The following LRP1B variants were observed in gnomAD, a reference collection of about 807,000 sequenced individuals.
LRP1B encodes the protein low-density lipoprotein receptor-related protein 1B.
In LRP1B, 217 loss-of-function variants were observed where a neutral mutation model predicts 556.6. That is an observed-to-expected ratio of 0.39 (90% CI 0.35 to 0.44). The LOEUF is 0.44. LRP1B is among the 20% of genes least tolerant of loss of function. The pLI is 1.00. For missense variants in LRP1B, 5,053 were observed against 5,620.8 expected, an observed-to-expected ratio of 0.90 and a Z score of 3.23; for synonymous variants, 2,047 against 1,865.8, an observed-to-expected ratio of 1.10 and a Z score of -2.50.
chr2:140,903,923 A>T (rs186368255), intron 22 of LRP1B, among the ~76,000 whole-genome samples: 1 of 152,186 alleles, frequency 6.6e-6, no homozygotes, highest in East Asian at 1.9e-4. Context: ...GATTACATAT[A>T]TAATGTGATT....
At chr2:140,779,811 C>A (rs1420362309) in intron 32 of LRP1B, among the ~76,000 whole-genome samples, 1 of 141,274 alleles carries the variant, frequency 7.1e-6, no homozygotes, top group East Asian at 2.3e-4. Flanking sequence ...AGATATATAT[C>A]ATAAATTTAC....
intron 32 of LRP1B, among the ~76,000 whole-genome samples, chr2:140,776,505 T>TTTTTTTTTTTTTTTTTGAG (rs1402600516): frequency 6.7e-6 from 1 of 148,478 alleles, no homozygotes; most frequent in Non-Finnish European, 1.5e-5. Flanking sequence ...TCTTATATTT[T>TTTTTTTTTTTTTTTTTGAG]ACATAACATG....
At chr2:141,971,962 T>C (rs1162583472) in intron 1 of LRP1B, among the ~76,000 whole-genome samples, 3 of 151,558 alleles carry the variant, frequency 2.0e-5, no homozygotes, top group Non-Finnish European at 4.4e-5. Context: ...TTCACTAGTC[T>C]CTTTTCATTT....
intron 37 of LRP1B, among the ~76,000 whole-genome samples, chr2:140,704,121 G>A (rs1574261012): frequency 6.6e-6 from 1 of 152,052 alleles, no homozygotes; most frequent in Non-Finnish European, 1.5e-5. Flanking sequence ...CTCACCAACA[G>A]TGTTTAAGCA....
rs373947897 is a variant in LRP1B, at chr2:140,769,359, G to A, written c.5627-15C>T. 60 of 1,583,892 alleles carry A rather than the reference G, an allele frequency of 3.8e-5. No individual in the cohort carries two copies. The African/African-American group carries it at 5.0e-4, about 13-fold the overall frequency. ...TGATTCTATACCTAAATGCAGGGCCGGAGATAAGGGGGGGAAGGGAAGCCC... is the reference window on the plus strand; with the variant it reads ...TGATTCTATACCTAAATGCAGGGCCAGAGATAAGGGGGGGAAGGGAAGCCC... On this transcript the variant is annotated splice_polypyrimidine_tract_variant and intron_variant, in intron 34 of 90. Transcript: ENST00000389484.
intron 60 of LRP1B, among the ~76,000 whole-genome samples, chr2:140,461,440 T>A (rs1687315243): frequency 6.6e-6 from 1 of 152,184 alleles, no homozygotes; most frequent in Non-Finnish European, 1.5e-5. Flanking sequence ...AGTAATACTA[T>A]CTTATTTTCC....
intron 1 of LRP1B, among the ~76,000 whole-genome samples, chr2:142,115,583 ATATATATATTATATATGT>A: frequency 2.4e-5 from 1 of 42,520 alleles, no homozygotes; most frequent in African/African-American, 8.6e-5. Context: ...TATATATGTA[ATATATATATTATATATGT>A]AATATATATT....
intron 2 of LRP1B, among the ~76,000 whole-genome samples, chr2:141,712,836 ATTTTTT>A (rs1192189235): frequency 9.7e-6 from 1 of 103,342 alleles, no homozygotes; most frequent in East Asian, 2.9e-4. Context: ...TGCCCAGCTA[ATTTTTT>A]TTTTTTTTTT....
In LRP1B at chr2:140,610,048, GT is replaced by G. The variant is rs11422184; in HGVS notation, c.6800-8410del. Among the ~76,000 whole-genome samples the G allele has an allele frequency of 9.0e-3, 1,313 of 146,570 alleles. 18 individuals are homozygous for G. Among genetic ancestry groups the G allele is most frequent in the African/African-American group, 0.031 (1,244 of 40,026 alleles). ...CTTCCATCTATAAAAACTCAGGTTT[GT>G]TTTTTTTTTTCTTGACACATGTAAT... On this transcript the variant is annotated intron_variant, in intron 41 of 90. Coordinates refer to ENST00000389484, the MANE Select transcript of LRP1B (RefSeq NM_018557.3).
intron 1 of LRP1B, among the ~76,000 whole-genome samples, chr2:141,986,157 G>A (rs1005678290): frequency 1.3e-5 from 2 of 151,856 alleles, no homozygotes; most frequent in East Asian, 3.9e-4. Flanking sequence ...AAAAGTAGAT[G>A]TTATAAAAAA....
rs62168660 is a variant in LRP1B at position 141,732,569 on chromosome 2, A to G, written c.205+77710T>C. 4.2e-3 allele frequency among the ~76,000 whole-genome samples: 636 copies of G among 152,260 alleles called. 4 individuals are homozygous for G. Among genetic ancestry groups the G allele is most frequent in the Non-Finnish European group, 6.5e-3 (442 of 68,010 alleles). On this transcript the variant is annotated intron_variant, in intron 2 of 90. Coordinates refer to ENST00000389484, the MANE Select transcript of LRP1B (RefSeq NM_018557.3). ...CTGAGGTTTTATATTTAGTTCAAGT[A>G]GCTTACCCCTATAACTAATTTCTGC... is the stretch of plus-strand genomic sequence containing the variant.
At position 141,332,722 on chromosome 2, in the gene LRP1B, T is replaced by A. The variant is rs377665579; in HGVS notation, c.344-78081A>T. ...TTTTTGTTTTTGTTTTGCCTTATTT[T>A]TTTATATATATATATATAAAGGAAA... On this transcript the variant is annotated intron_variant, in intron 3 of 90. Transcript: ENST00000389484. 9.5e-3 allele frequency among the ~76,000 whole-genome samples: 986 copies of A among 104,178 alleles called. 4 individuals are homozygous for A. Among genetic ancestry groups the A allele is most frequent in the Non-Finnish European group, 0.015 (618 of 40,996 alleles). 68.3% of individuals were successfully genotyped at this position (104,178 alleles called of 152,430 possible).
intron 1 of LRP1B, among the ~76,000 whole-genome samples, chr2:141,906,902 C>A (rs1699774317): frequency 6.6e-6 from 1 of 151,972 alleles, no homozygotes; most frequent in Non-Finnish European, 1.5e-5. Context: ...CATTTTAGAG[C>A]CACCTAGAGG....
rs144283392 is a variant in LRP1B at position 140,514,550 on chromosome 2, T to G, written c.8269+103A>C. 4.6e-6 allele frequency: 5 copies of G among 1,097,452 alleles called. No individual in the cohort carries two copies. The South Asian group carries it at 1.2e-4, about 27-fold the overall frequency. The allele number at this position is 1,097,452 out of a possible 1,614,324, so 68.0% of individuals were successfully genotyped here. A position where few individuals can be genotyped will look rare whatever the true frequency, so the allele number is the denominator to read the frequency against. Reference sequence around the variant, plus strand: ...CTACCTAGAAAGGTACACATAAATTTTATGTTAATTTTAATAAATTAGCAA... The same window carrying G: ...CTACCTAGAAAGGTACACATAAATTGTATGTTAATTTTAATAAATTAGCAA... On this transcript the variant is annotated intron_variant, in intron 51 of 90. Transcript: ENST00000389484.
At chr2:141,320,222 T>C (rs993559564) in intron 3 of LRP1B, among the ~76,000 whole-genome samples, 2 of 152,130 alleles carry the variant, frequency 1.3e-5, no homozygotes, top group African/African-American at 2.4e-5. Context: ...ACTCATTTAT[T>C]TTAAATTACT....
rs562677763 is a variant in LRP1B at position 140,958,616 on chromosome 2, T to C, written c.2888-6676A>G. On this transcript the variant is annotated intron_variant, in intron 18 of 90. Transcript: ENST00000389484. ...GAAAATCAGGATAGCAAGCAATATTTAAGAAGACAATTTCTTAAAATGTCC... is the reference window on the plus strand; with the variant it reads ...GAAAATCAGGATAGCAAGCAATATTCAAGAAGACAATTTCTTAAAATGTCC... Among the ~76,000 whole-genome samples, 7 of 151,762 alleles carry C rather than the reference T, an allele frequency of 4.6e-5. No homozygotes were observed. In the South Asian group the frequency reaches 1.5e-3, roughly 32 times the overall value.
intron 32 of LRP1B, among the ~76,000 whole-genome samples, chr2:140,784,463 C>T (rs1689824774): frequency 6.8e-6 from 1 of 148,000 alleles, no homozygotes; most frequent in Non-Finnish European, 1.5e-5. Flanking sequence ...TTTATCATTA[C>T]TTAAGGTCTC....
chr2:141,016,657 G>A (rs972727152), intron 12 of LRP1B, among the ~76,000 whole-genome samples: 1 of 152,084 alleles, frequency 6.6e-6, no homozygotes, highest in African/African-American at 2.4e-5. Flanking sequence ...TCTAACAGTA[G>A]GAGAGGGGGT....
intron 41 of LRP1B, among the ~76,000 whole-genome samples, chr2:140,651,268 C>T (rs928543834): frequency 1.5e-4 from 22 of 143,662 alleles, no homozygotes; most frequent in Middle Eastern, 3.9e-3. Flanking sequence ...AACCAAACAC[C>T]GCATATTCTC....
Sources: allele counts gnomAD v4.1 joint callset (sites outside exome capture counted in the v4.1 genomes callset), GRCh38; gene constraint gnomAD v4.1.1; transcripts MANE v1.5; gene names NCBI Gene and HGNC (gene_info 2026-07-23, HGNC 2026-07-21).